Variants in ARHGAP36 observed in about 807,000 individuals in gnomAD.
ARHGAP36 encodes the protein rho GTPase-activating protein 36.
ARHGAP36 carries 7 observed loss-of-function variants against 32.9 expected under a neutral mutation model. That is an observed-to-expected ratio of 0.21 (90% CI 0.12 to 0.40). ARHGAP36 has a LOEUF of 0.40. Ranked by LOEUF, ARHGAP36 falls within the 10% of genes least tolerant of loss-of-function variation. The probability of loss-of-function intolerance (pLI) is 1.00; values close to 1 mark genes in which losing one functional copy is unlikely to be tolerated. For missense variants in ARHGAP36, 383 were observed against 442.2 expected, an observed-to-expected ratio of 0.87 and a Z score of 1.20; for synonymous variants, 165 against 168.3, an observed-to-expected ratio of 0.98 and a Z score of 0.15.
In ARHGAP36 at chrX:131,083,561, C is replaced by T. The variant is rs1057093806; in HGVS notation, c.320-173C>T. On this transcript the variant is annotated intron_variant, in intron 3 of 11. Coordinates refer to ENST00000276211, the MANE Select transcript of ARHGAP36 (RefSeq NM_144967.4). ...GTTGAGTGGAGCTGAGTCCTTTCGC[C>T]AAACCACTGCGGGGTCTTTTTGGCT... 2.5e-5 allele frequency: 13 copies of T among 519,357 alleles called. No individual in the cohort carries two copies. In the African/African-American group the frequency reaches 2.8e-4, roughly 11 times the overall value. 42.8% of individuals were successfully genotyped at this position (519,357 alleles called of 1,213,427 possible).
chrX:131,081,902 A>G lies in ARHGAP36; in HGVS notation c.237A>G (p.Glu79=). 8.3e-7 allele frequency: 1 copy of G among 1,211,576 alleles called. No homozygotes were observed. The highest frequency in any genetic ancestry group is 1.1e-6 in the Non-Finnish European group (1 of 895,507). ...TCGTGGCCAGACATTTCCTCTCCGA[A>G]TTCAAACCTGACAGAGGTAAGCTGT... The part of the protein sequence containing the change: ...HELVARHFLS[E]FKPDRALPID... Residue 79 remains glutamate (E), a synonymous_variant, in exon 2 of 12, where the codon GAA becomes GAG. Coordinates refer to ENST00000276211, the MANE Select transcript of ARHGAP36 (RefSeq NM_144967.4).
chrX:131,068,611 C>T (rs1381144472), intron 1 of ARHGAP36, among the ~76,000 whole-genome samples: 1 of 106,684 alleles, frequency 9.4e-6, no homozygotes, highest in Non-Finnish European at 1.9e-5. Flanking sequence ...ACTGCCTTGA[C>T]CTCTGTCCCC....
chrX:131,063,609 G>C (rs1415296637), intron 1 of ARHGAP36, among the ~76,000 whole-genome samples: 1 of 111,158 alleles, frequency 9.0e-6, no homozygotes, highest in Non-Finnish European at 1.9e-5. Flanking sequence ...ACCTTCCAGA[G>C]TCTGGGAACA....
intron 1 of ARHGAP36, among the ~76,000 whole-genome samples, chrX:131,063,717 A>T (rs1347645010): frequency 3.4e-4 from 32 of 93,181 alleles, no homozygotes; most frequent in Admixed American, 4.5e-4. Flanking sequence ...ATCCACCACC[A>T]CCACCCCTCC....
rs748481178 is a variant in ARHGAP36, at chrX:131,083,087, G to A, written c.254-78G>A. 15 of 1,018,021 alleles carry A rather than the reference G, an allele frequency of 1.5e-5. No individual in the cohort carries two copies. The East Asian group carries it at 4.6e-4, about 31-fold the overall frequency. 83.9% of individuals were successfully genotyped at this position (1,018,021 alleles called of 1,213,427 possible). The stretch of plus-strand genomic sequence containing the variant: ...TCTGCCGCTCCCTCCCCCTGCTGCA[G>A]ATCAGGGCATTGGGATGTTTTAGTC... On this transcript the variant is annotated intron_variant, in intron 2 of 11. Transcript: ENST00000276211.
chrX:131,089,017 TC>T lies in ARHGAP36; in HGVS notation c.*236del. 1 of 379,004 alleles carries T rather than the reference TC, an allele frequency of 2.6e-6. No individual in the cohort carries two copies. The highest frequency in any genetic ancestry group is 4.3e-6 in the Non-Finnish European group (1 of 233,745). The allele number at this position is 379,004 out of a possible 1,213,427, so 31.2% of individuals were successfully genotyped here. On this transcript the variant is annotated 3_prime_UTR_variant, in exon 12 of 12. Transcript: ENST00000276211. Reference sequence around the variant, plus strand: ...AGATGTTTCTGTGTCATGCCCAAGCTCCCCGGTGCTACCTTGCCTTTCTCTT... The same window carrying T: ...AGATGTTTCTGTGTCATGCCCAAGCTCCCGGTGCTACCTTGCCTTTCTCTT...
chrX:131,076,792 T>C (rs1042831037), intron 1 of ARHGAP36, among the ~76,000 whole-genome samples: 4 of 112,324 alleles, frequency 3.6e-5, no homozygotes, highest in Non-Finnish European at 5.6e-5. Flanking sequence ...TTTTCTGACC[T>C]GTATAATGGA....
Position 131,083,200 on chromosome X carries a change from T to C in ARHGAP36, c.289T>C (p.Trp97Arg). The C allele has an allele frequency of 8.3e-7, 1 of 1,211,145 alleles. No homozygotes were observed. The highest frequency in any genetic ancestry group is 1.8e-5 in the South Asian group (1 of 56,752). ...TGACCGTCCGAACACCTTGGATAAG[T>C]GGTTTCTGATTTTGAGAGGACAGCA... ...PIDRPNTLDK[W>R]FLILRGQQRA... The change falls in exon 3 of 12, where the codon TGG becomes CGG. Residue 97 changes from tryptophan (W) to arginine (R), a missense_variant. By Grantham distance (101) the Trp-to-Arg change is moderately radical. Transcript: ENST00000276211.
At chrX:131,067,380 G>T (rs2148636661) in intron 1 of ARHGAP36, among the ~76,000 whole-genome samples, 1 of 113,555 alleles carries the variant, frequency 8.8e-6, no homozygotes, top group East Asian at 2.8e-4. Flanking sequence ...CGCCCTACCT[G>T]GCCAATCACG....
At position 131,076,940 on chromosome X, in the gene ARHGAP36, C is replaced by T. The variant is rs150305773; in HGVS notation, c.-142-4584C>T. Among the ~76,000 whole-genome samples, 481 of 112,070 alleles carry T rather than the reference C, an allele frequency of 4.3e-3. 1 individual carries two copies. The highest frequency in any genetic ancestry group is 0.015 in the African/African-American group (457 of 30,835). On this transcript the variant is annotated intron_variant, in intron 1 of 11. Transcript: ENST00000276211. ...CAGTAATATTACCTCTAGTTTATGA[C>T]CTTCTGCTATAACATGATGGGCTGA...
rs979392372 is a variant in ARHGAP36, at chrX:131,083,343, C to T, written c.319+113C>T. The T allele has an allele frequency of 1.1e-5, 8 of 742,487 alleles. No homozygotes were observed. In the East Asian group the frequency reaches 1.3e-4, roughly 12 times the overall value. 61.2% of individuals were successfully genotyped at this position (742,487 alleles called of 1,213,427 possible). Reference sequence around the variant, plus strand: ...CGTCCACTGTCCCAGGGGACACTCTCCTCAGCTCCCAAACCCCACAGTGGG... The same window carrying T: ...CGTCCACTGTCCCAGGGGACACTCTTCTCAGCTCCCAAACCCCACAGTGGG... On this transcript the variant is annotated intron_variant, in intron 3 of 11. Transcript: ENST00000276211.
Position 131,084,634 on chromosome X carries a change from G to A in ARHGAP36, c.757G>A (p.Ala253Thr), listed in dbSNP as rs370750175. ...CTGGTCTTTTCTTTCAGGCTTAAGC[G>A]CAGTGGGGATTTTTACCCTTGAATA... ...CQFIEKHGLS[A>T]VGIFTLEYSV... Residue 253 changes from alanine (A) to threonine (T), a missense_variant, in exon 6 of 12, where the codon GCA becomes ACA. Coordinates refer to ENST00000276211, the MANE Select transcript of ARHGAP36 (RefSeq NM_144967.4). The A allele has an allele frequency of 8.3e-7, 1 of 1,210,132 alleles. No homozygotes were observed. Among genetic ancestry groups the A allele is most frequent in the African/African-American group, 1.7e-5 (1 of 57,239 alleles).
At position 131,081,823 on chromosome X, in the gene ARHGAP36, A is replaced by G. The variant is rs1364616603; in HGVS notation, c.158A>G (p.His53Arg). Reference protein sequence around the residue: ...PDRRTKMVSIHSLSELERLKL... With the variant: ...PDRRTKMVSIRSLSELERLKL... Reference sequence around the variant, plus strand: ...CGCAGGACGAAGATGGTATCGATACACAGCCTCTCTGAGCTGGAGCGTCTG... The same window carrying G: ...CGCAGGACGAAGATGGTATCGATACGCAGCCTCTCTGAGCTGGAGCGTCTG... Residue 53 changes from histidine to arginine, a missense_variant, in exon 2 of 12, where the codon CAC becomes CGC. This residue lies in a region of ARHGAP36 where 156 missense variants were observed against 131.0 expected (regional missense o/e 1.19). Transcript: ENST00000276211. 2 of 1,212,051 alleles carry G rather than the reference A, an allele frequency of 1.7e-6. No individual in the cohort carries two copies. The highest frequency in any genetic ancestry group is 3.5e-5 in the South Asian group (2 of 56,999).
At chrX:131,068,250 C>G (rs753813461) in intron 1 of ARHGAP36, among the ~76,000 whole-genome samples, 239 of 111,522 alleles carry the variant, frequency 2.1e-3, no homozygotes, top group African/African-American at 7.4e-3. Flanking sequence ...CGCACACACG[C>G]TTACATGCAT....
In ARHGAP36 at chrX:131,077,807, T is replaced by TATATATA. The variant is rs1569366758; in HGVS notation, c.-142-3717_-142-3716insATATATA. The stretch of plus-strand genomic sequence containing the variant: ...TATATATATATATATATATATATAT[T>TATATATA]GCTAGTGACAATGTAGAATTGGATG... On this transcript the variant is annotated intron_variant, in intron 1 of 11. Coordinates refer to ENST00000276211, the MANE Select transcript of ARHGAP36 (RefSeq NM_144967.4). Among the ~76,000 whole-genome samples, 35 of 88,058 alleles carry TATATATA rather than the reference T, an allele frequency of 4.0e-4. 1 individual carries two copies. The highest frequency in any genetic ancestry group is 2.0e-3 in the African/African-American group (33 of 16,614). The allele number at this position is 88,058 out of a possible 115,157, so 76.5% of individuals were successfully genotyped here.
Position 131,081,698 on chromosome X carries a change from A to G in ARHGAP36, c.33A>G (p.Ala11=). The change falls in exon 2 of 12, where the codon GCA becomes GCG. Residue 11 remains alanine, a synonymous_variant. Transcript: ENST00000276211. MGGCIPFLKA[A]RALCPRIMPP... ...GCTGCATTCCTTTTCTGAAGGCAGC[A>G]AGGGCACTGTGCCCCAGAATCATGC... 1 of 1,210,976 alleles carries G rather than the reference A, an allele frequency of 8.3e-7. No individual in the cohort carries two copies. The highest frequency in any genetic ancestry group is 3.0e-5 in the East Asian group (1 of 33,784).
At chrX:131,065,586 T>C (rs1039620849) in intron 1 of ARHGAP36, among the ~76,000 whole-genome samples, 1 of 110,913 alleles carries the variant, frequency 9.0e-6, no homozygotes, top group Non-Finnish European at 1.9e-5. Flanking sequence ...CTGAACACCT[T>C]GTATGGATTT....
chrX:131,085,175 G>A, intron 7 of ARHGAP36, 111 bp downstream of exon 7: 1 of 787,974 alleles, frequency 1.3e-6, no homozygotes, highest in Non-Finnish European at 1.7e-6. Context: ...AAGGCAAAAT[G>A]ACCATAAGAA....
rs1039152055 is a variant in ARHGAP36 at position 131,068,211 on chromosome X, C to T, written c.-143+9767C>T. 1.3e-4 allele frequency among the ~76,000 whole-genome samples: 14 copies of T among 111,794 alleles called. No individual in the cohort carries two copies. In the Admixed American group the frequency reaches 1.3e-3, roughly 10 times the overall value. ...CCCACACCCGGCCACACACCGAACG[C>T]ACACACAGATCTACCGCACCCGCGC... On this transcript the variant is annotated intron_variant, in intron 1 of 11. Transcript: ENST00000276211.
Sources: gnomAD v4.1 joint callset for allele counts (sites outside exome capture counted in the v4.1 genomes callset) on GRCh38, gnomAD v4.1.1 for gene constraint, gnomAD v4.1.1 regional missense constraint, MANE v1.5 for transcripts, NCBI Gene and HGNC (gene_info 2026-07-23, HGNC 2026-07-21) for gene names.